Variants in CAPN8 observed in about 807,000 individuals in gnomAD.
CAPN8 encodes the protein calpain-8.
CAPN8 carries 87 observed loss-of-function variants against 80.9 expected under a neutral mutation model. The observed-to-expected ratio is 1.07, with a 90% CI of 0.90 to 1.28. CAPN8 has a LOEUF of 1.28. Among genes scored for constraint, CAPN8 ranks in the 50% most tolerant of loss-of-function variants. The pLI, the probability that CAPN8 is intolerant of heterozygous loss-of-function variation, is 0.00. For missense variants in CAPN8, 757 were observed against 702.0 expected, an observed-to-expected ratio of 1.08 and a Z score of -0.89; for synonymous variants, 299 against 273.8, an observed-to-expected ratio of 1.09 and a Z score of -0.91.
chr1:223,637,458 C>T (rs1187628046), intron 2 of CAPN8, among the ~76,000 whole-genome samples: 3 of 152,216 alleles, frequency 2.0e-5, no homozygotes, highest in African/African-American at 7.2e-5. Flanking sequence ...CACCATCCAG[C>T]AGCAGCACCT....
chr1:223,618,509 T>A (rs34079465), intron 9 of CAPN8, among the ~76,000 whole-genome samples: 149,382 of 152,368 alleles, frequency 0.98, 73,390 homozygotes, highest in Non-Finnish European at 1. Context: ...AGCAGCTCTA[T>A]TGGATGCAGC....
chr1:223,635,090 T>C (rs74145954), intron 2 of CAPN8, among the ~76,000 whole-genome samples: 4,727 of 152,316 alleles, frequency 0.031, 171 homozygotes, highest in African/African-American at 0.089. Flanking sequence ...AATGTAAAGA[T>C]TTTGACCCTG....
Position 223,544,787 on chromosome 1 carries a change from C to G in CAPN8, c.1897G>C (p.Ala633Pro), listed in dbSNP as rs984635920. 1 of 1,551,748 alleles carries G rather than the reference C, an allele frequency of 6.4e-7. No homozygotes were observed. The highest frequency in any genetic ancestry group is 2.4e-5 in the East Asian group (1 of 40,920). The change falls in exon 18 of 21, where the codon GCC becomes CCC. Residue 633 changes from alanine to proline, a missense_variant. By Grantham distance (27) the Ala-to-Pro change is conservative. Transcript: ENST00000366872. ...GTGTCCTCACCTGCCTTCCTGAGGG[C>G]TGTCCTCATCTCGTGGGCATCGATG... ...GTIDAHEMRT[A>P]LRKAGFTLNS...
intron 14 of CAPN8, 96 bp from the exon 15 acceptor site, chr1:223,551,113 G>A (rs1656775702): frequency 3.0e-6 from 2 of 665,086 alleles, no homozygotes; most frequent in South Asian, 3.4e-5. Context: ...TCAGACACCA[G>A]GCCCACTGGC....
chr1:223,652,384 G>GAAGATGACA (rs939476076), intron 2 of CAPN8, among the ~76,000 whole-genome samples: 1 of 152,024 alleles, frequency 6.6e-6, no homozygotes, highest in African/African-American at 2.4e-5. Flanking sequence ...AACCCTTAGA[G>GAAGATGACA]CAGATGACAC....
Position 223,615,989 on chromosome 1 carries a change from A to T in CAPN8, c.1292T>A (p.Ile431Asn), listed in dbSNP as rs1207979537. ...RKRIGQGMLS[I>N]GYAVYQVPKE... ...CAGTACCTGGTAGACGGCATAGCCG[A>T]TGCTAAGCATGCCTTGTCCTATCCG... The change falls in exon 10 of 21, where the codon ATC becomes AAC. Residue 431 changes from isoleucine to asparagine, a missense_variant. Ile to Asn is a moderately radical substitution (Grantham distance 149). Coordinates refer to ENST00000366872, the MANE Select transcript of CAPN8 (RefSeq NM_001143962.2). 1.3e-6 allele frequency: 2 copies of T among 1,552,172 alleles called. No homozygotes were observed. The highest frequency in any genetic ancestry group is 2.7e-5 in the African/African-American group (2 of 73,068).
intron 15 of CAPN8, 200 bp from the exon 16 acceptor site, chr1:223,549,582 C>A: frequency 1.3e-6 from 1 of 778,076 alleles, no homozygotes; most frequent in Non-Finnish European, 2.2e-6. Flanking sequence ...ATAGAACAGA[C>A]AAGCACCAGC....
At chr1:223,609,863 A>C (rs1656988143) in intron 11 of CAPN8, among the ~76,000 whole-genome samples, 2 of 152,340 alleles carry the variant, frequency 1.3e-5, no homozygotes, top group East Asian at 3.9e-4. Context: ...TAGGATGGTC[A>C]GTCTGGGAAC....
At chr1:223,665,182 G>A (rs974672650) in intron 1 of CAPN8, among the ~76,000 whole-genome samples, 2 of 152,118 alleles carry the variant, frequency 1.3e-5, no homozygotes, top group Non-Finnish European at 2.9e-5. Flanking sequence ...AAACCCAGGA[G>A]GTAGAGGTTG....
chr1:223,551,116 C>T, intron 14 of CAPN8, 99 bp from the exon 15 acceptor site: 1 of 665,420 alleles, frequency 1.5e-6, no homozygotes, highest in South Asian at 1.7e-5. Flanking sequence ...GACACCAGGC[C>T]CACTGGCCCT....
chr1:223,617,195 A>G (rs1201462246), intron 9 of CAPN8: 1 of 151,748 alleles, frequency 6.6e-6, no homozygotes, highest in Non-Finnish European at 1.5e-5. Context: ...ACAGGTGACC[A>G]AGAGCCATTG....
At chr1:223,548,951 G>C (rs1656707288) in intron 16 of CAPN8, among the ~76,000 whole-genome samples, 1 of 148,262 alleles carries the variant, frequency 6.7e-6, no homozygotes, top group South Asian at 2.2e-4. Flanking sequence ...GGTGGGGGTG[G>C]GGACGGGTAG....
intron 2 of CAPN8, among the ~76,000 whole-genome samples, chr1:223,648,576 G>A (rs562858522): frequency 6.6e-6 from 1 of 152,190 alleles, no homozygotes; most frequent in Non-Finnish European, 1.5e-5. Context: ...CCCAGGCCTC[G>A]CTCCATGGGG....
chr1:223,628,382 A>T (rs1475588477), intron 3 of CAPN8, among the ~76,000 whole-genome samples: 1 of 152,202 alleles, frequency 6.6e-6, no homozygotes, highest in East Asian at 1.9e-4. Context: ...TAGTGGCAGC[A>T]GGAAGTGATT....
At chr1:223,660,004 G>A (rs981878127) in intron 1 of CAPN8, among the ~76,000 whole-genome samples, 1 of 152,118 alleles carries the variant, frequency 6.6e-6, no homozygotes, top group Non-Finnish European at 1.5e-5. Flanking sequence ...CAACCAGCAC[G>A]CAATAAATCA....
chr1:223,652,216 C>T (rs1201844706), intron 2 of CAPN8, among the ~76,000 whole-genome samples: 2 of 152,078 alleles, frequency 1.3e-5, no homozygotes, highest in East Asian at 3.9e-4. Context: ...GTGGTGCATG[C>T]CTGCTGTCTC....
At chr1:223,661,329 C>T (rs1301181494) in intron 1 of CAPN8, among the ~76,000 whole-genome samples, 1 of 152,048 alleles carries the variant, frequency 6.6e-6, no homozygotes, top group African/African-American at 2.4e-5. Flanking sequence ...AGAATGGCTA[C>T]TATCAAAAAA....
At chr1:223,614,880 T>C (rs1348034390) in intron 10 of CAPN8, among the ~76,000 whole-genome samples, 1 of 152,240 alleles carries the variant, frequency 6.6e-6, no homozygotes, top group Admixed American at 6.5e-5. Flanking sequence ...TAGGTGGAGA[T>C]GAAAGAGCCA....
At chr1:223,546,601 G>A (rs939024099) in intron 16 of CAPN8, among the ~76,000 whole-genome samples, 1 of 152,074 alleles carries the variant, frequency 6.6e-6, no homozygotes, top group African/African-American at 2.4e-5. Flanking sequence ...TAACACTCGG[G>A]GCTAGGTACT....
Sources: allele counts gnomAD v4.1 joint callset (sites outside exome capture counted in the v4.1 genomes callset), GRCh38; gene constraint gnomAD v4.1.1; transcripts MANE v1.5; gene names NCBI Gene and HGNC (gene_info 2026-07-23, HGNC 2026-07-21).